The following LEKR1 variants were observed in gnomAD, a reference collection of about 807,000 sequenced individuals.
The protein encoded by LEKR1 is protein LEKR1.
LEKR1 carries 59 observed loss-of-function variants against 72.4 expected under a neutral mutation model. The observed-to-expected ratio is 0.82, with a 90% confidence interval of 0.66 to 1.01. The LOEUF is 1.01. LEKR1 is among the 50% of genes least tolerant of loss of function. LEKR1 has a pLI of 0.00. For missense variants in LEKR1, 728 were observed against 759.2 expected, an observed-to-expected ratio of 0.96 and a Z score of 0.48; for synonymous variants, 257 against 263.2, an observed-to-expected ratio of 0.98 and a Z score of 0.23.
chr3:156,868,768 A>G (rs570679338), intron 3 of LEKR1, among the ~76,000 whole-genome samples: 13 of 152,018 alleles, frequency 8.6e-5, no homozygotes, highest in Non-Finnish European at 1.6e-4. Flanking sequence ...TAACTCTGCT[A>G]TCAAACATTG....
intron 10 of LEKR1, among the ~76,000 whole-genome samples, chr3:157,023,623 G>C (rs1303057158): frequency 6.6e-6 from 1 of 152,116 alleles, no homozygotes; most frequent in Non-Finnish European, 1.5e-5. Context: ...CCTCATAACA[G>C]CCCCTAAGGG....
chr3:156,912,015 AT>A (rs934166006), intron 3 of LEKR1, among the ~76,000 whole-genome samples: 22 of 150,116 alleles, frequency 1.5e-4, no homozygotes, highest in Admixed American at 9.9e-4. Flanking sequence ...AAATTTTAGG[AT>A]TTTTTTTCTT....
chr3:157,045,842 A>G lies in LEKR1; in HGVS notation c.*92A>G. The G allele has an allele frequency of 8.4e-7, 1 of 1,191,288 alleles. No homozygotes were observed. Among genetic ancestry groups the G allele is most frequent in the Non-Finnish European group, 1.2e-6 (1 of 849,284 alleles). 73.8% of individuals were successfully genotyped at this position (1,191,288 alleles called of 1,614,324 possible). A position where few individuals can be genotyped will look rare whatever the true frequency, so the allele number is the denominator to read the frequency against. ...TGTAACTGAGAATGACAATGATAAA[A>G]TTATTTTCACAGATCAGGAAGGCAT... On this transcript the variant is annotated 3_prime_UTR_variant, in exon 13 of 13. Transcript: ENST00000356539.
intron 2 of LEKR1, among the ~76,000 whole-genome samples, chr3:156,842,922 A>G (rs919875968): frequency 6.6e-6 from 1 of 152,174 alleles, no homozygotes; most frequent in African/African-American, 2.4e-5. Context: ...AAAGCGGCCC[A>G]TGGGCTAGAC....
intron 3 of LEKR1, among the ~76,000 whole-genome samples, chr3:156,893,227 A>C (rs540453666): frequency 1.3e-5 from 2 of 152,270 alleles, no homozygotes; most frequent in South Asian, 4.1e-4. Context: ...ATGATTCTTG[A>C]AGTTCATCAT....
intron 3 of LEKR1, among the ~76,000 whole-genome samples, chr3:156,861,752 A>T (rs1716784417): frequency 6.6e-6 from 1 of 152,128 alleles, no homozygotes; most frequent in Non-Finnish European, 1.5e-5. Context: ...ATGTGTAAGT[A>T]TGAATTTATT....
rs546167563 is a variant in LEKR1, at chr3:156,977,291, T to G, written c.746-1903T>G. ...GTTACCTCCAGCAGCCTCTCATTGTTTCCTTGTTGGAGGAAATGGAGAATT... is the reference window on the plus strand; with the variant it reads ...GTTACCTCCAGCAGCCTCTCATTGTGTCCTTGTTGGAGGAAATGGAGAATT... On this transcript the variant is annotated intron_variant, in intron 6 of 12. Transcript: ENST00000356539. 2.6e-5 allele frequency among the ~76,000 whole-genome samples: 4 copies of G among 152,330 alleles called. No homozygotes were observed. The South Asian group carries it at 8.3e-4, about 32-fold the overall frequency.
chr3:157,012,267 G>A (rs893695231), intron 10 of LEKR1, among the ~76,000 whole-genome samples: 2 of 151,980 alleles, frequency 1.3e-5, no homozygotes, highest in Admixed American at 1.3e-4. Context: ...ATTCTCTTAC[G>A]TGACTGGTAT....
chr3:156,888,320 T>G, intron 3 of LEKR1: 1 of 702,312 alleles, frequency 1.4e-6, no homozygotes, highest in South Asian at 1.5e-5. Context: ...AGACTCATGC[T>G]TAGACTGGAA....
chr3:156,953,778 T>C (rs1727382275), intron 6 of LEKR1, among the ~76,000 whole-genome samples: 1 of 151,916 alleles, frequency 6.6e-6, no homozygotes, highest in African/African-American at 2.4e-5. Context: ...TTGATGGACA[T>C]TTAGGTTGAT....
chr3:156,957,390 T>C (rs747402046), intron 6 of LEKR1, among the ~76,000 whole-genome samples: 3 of 152,032 alleles, frequency 2.0e-5, no homozygotes, highest in Non-Finnish European at 2.9e-5. Flanking sequence ...TGAGAATAAA[T>C]TTTAGGTGAT....
At chr3:156,840,649 A>G (rs1394009236) in intron 2 of LEKR1, among the ~76,000 whole-genome samples, 1 of 152,238 alleles carries the variant, frequency 6.6e-6, no homozygotes. Flanking sequence ...AGCATTAACC[A>G]TGCCATCGAT....
chr3:156,832,376 T>C (rs1712533071), intron 2 of LEKR1, among the ~76,000 whole-genome samples: 1 of 152,214 alleles, frequency 6.6e-6, no homozygotes, highest in African/African-American at 2.4e-5. Flanking sequence ...ACAGTTGTAC[T>C]ATAGTTTTTT....
chr3:157,042,630 A>G (rs965326773), intron 12 of LEKR1, among the ~76,000 whole-genome samples: 1 of 152,096 alleles, frequency 6.6e-6, no homozygotes, highest in African/African-American at 2.4e-5. Context: ...TCTCCAGATC[A>G]TTACTCCTTT....
chr3:157,028,539 G>T (rs1734373361), intron 12 of LEKR1, 137 bp downstream of exon 12: 1 of 724,612 alleles, frequency 1.4e-6, no homozygotes, highest in Non-Finnish European at 2.2e-6. Context: ...TCACATCCTG[G>T]TGCTCTGTCC....
At chr3:156,858,088 G>T (rs1342808010) in intron 3 of LEKR1, among the ~76,000 whole-genome samples, 9 of 152,126 alleles carry the variant, frequency 5.9e-5, no homozygotes, top group Admixed American at 2.6e-4. Context: ...GTCAGTTTTG[G>T]AAGTGTTTTC....
chr3:156,880,061 G>A (rs1719101703), intron 3 of LEKR1, among the ~76,000 whole-genome samples: 1 of 152,226 alleles, frequency 6.6e-6, no homozygotes, highest in Admixed American at 6.5e-5. Flanking sequence ...GCACTGCCTA[G>A]TGGAGCTATG....
intron 2 of LEKR1, among the ~76,000 whole-genome samples, chr3:156,832,115 T>C (rs1042788458): frequency 1.3e-5 from 2 of 152,166 alleles, no homozygotes; most frequent in African/African-American, 4.8e-5. Flanking sequence ...GTGTGCCAGG[T>C]TGAGATCCCA....
At chr3:156,934,522 A>G (rs1725524813) in intron 5 of LEKR1, among the ~76,000 whole-genome samples, 1 of 152,216 alleles carries the variant, frequency 6.6e-6, no homozygotes, top group South Asian at 2.1e-4. Context: ...GGCTATTATC[A>G]GTAGTACAAT....
Sources: allele counts gnomAD v4.1 joint callset (sites outside exome capture counted in the v4.1 genomes callset), GRCh38; gene constraint gnomAD v4.1.1; transcripts MANE v1.5; gene names NCBI Gene and HGNC (gene_info 2026-07-23, HGNC 2026-07-21).